CLASP2: variants seen among roughly 807,000 people sequenced by gnomAD.
CLASP2 encodes cytoplasmic linker associated protein 2, also known as CLIP-associating protein 2.
In CLASP2, 47 loss-of-function variants were observed where a neutral mutation model predicts 194.4. The ratio of observed to expected loss-of-function variants is 0.24; its 90% CI spans 0.19 to 0.31. The LOEUF is 0.31. Ranked by LOEUF, CLASP2 falls within the 10% of genes least tolerant of loss-of-function variation. The pLI, the probability that CLASP2 is intolerant of heterozygous loss-of-function variation, is 1.00. For synonymous variants in CLASP2, 619 were observed against 633.5 expected (o/e 0.98, Z 0.34); for missense variants, 1,445 against 1,823.6 (o/e 0.79, Z 3.78).
chr3:33,511,165 T>G (rs568383907), intron 36 of CLASP2, among the ~76,000 whole-genome samples: 1 of 152,072 alleles, frequency 6.6e-6, no homozygotes, highest in African/African-American at 2.4e-5. Flanking sequence ...TCTGAGTAGT[T>G]GGAACTACAG....
intron 16 of CLASP2, among the ~76,000 whole-genome samples, chr3:33,605,243 A>T (rs2073503144): frequency 6.6e-6 from 1 of 152,202 alleles, no homozygotes; most frequent in Admixed American, 6.5e-5. Context: ...TTTTAAAAAG[A>T]TCTTCAGGTG....
chr3:33,530,569 T>C (rs1179882575), intron 34 of CLASP2, among the ~76,000 whole-genome samples: 1 of 152,246 alleles, frequency 6.6e-6, no homozygotes, highest in African/African-American at 2.4e-5. Flanking sequence ...GCTATATTTT[T>C]ATACAGTTGG....
At chr3:33,514,973 G>A (rs1332402407) in intron 36 of CLASP2, among the ~76,000 whole-genome samples, 1 of 152,132 alleles carries the variant, frequency 6.6e-6, no homozygotes, top group Non-Finnish European at 1.5e-5. Context: ...ACTCAGGAAT[G>A]GAAAACCAAA....
intron 7 of CLASP2, among the ~76,000 whole-genome samples, chr3:33,646,473 A>G (rs980701762): frequency 6.6e-6 from 1 of 152,178 alleles, no homozygotes; most frequent in Admixed American, 6.5e-5. Context: ...CGGCTTTGTT[A>G]AAAACACTAA....
intron 8 of CLASP2, among the ~76,000 whole-genome samples, chr3:33,633,339 G>A (rs1421615337): frequency 6.6e-6 from 1 of 152,106 alleles, no homozygotes; most frequent in African/African-American, 2.4e-5. Flanking sequence ...CAACCAATAA[G>A]TGGGGCAGAG....
At chr3:33,510,864 A>T in intron 36 of CLASP2, 100 bp from the exon 37 acceptor site, 1 of 1,089,626 alleles carries the variant, frequency 9.2e-7, no homozygotes, top group Non-Finnish European at 1.3e-6. Context: ...AATATATGGA[A>T]TTTGCTTTGA....
At chr3:33,526,982 G>A (rs2054735076) in intron 34 of CLASP2, among the ~76,000 whole-genome samples, 1 of 152,196 alleles carries the variant, frequency 6.6e-6, no homozygotes, top group African/African-American at 2.4e-5. Flanking sequence ...CTATGGCAGT[G>A]TTAAGAGGTA....
chr3:33,575,997 T>G (rs1295403186), intron 24 of CLASP2, among the ~76,000 whole-genome samples, 172 bp downstream of exon 24: 1 of 152,206 alleles, frequency 6.6e-6, no homozygotes, highest in African/African-American at 2.4e-5. Context: ...AAATTCTGAT[T>G]AATAAGGATC....
intron 23 of CLASP2, among the ~76,000 whole-genome samples, chr3:33,579,061 T>C (rs1327911066): frequency 1.3e-5 from 2 of 152,168 alleles, no homozygotes; most frequent in Admixed American, 1.3e-4. Context: ...ACTTAATCTC[T>C]GGGAATGCTA....
At chr3:33,573,493 G>T in intron 24 of CLASP2, 139 bp from the exon 25 acceptor site, 1 of 886,700 alleles carries the variant, frequency 1.1e-6, no homozygotes, top group Non-Finnish European at 1.8e-6. Context: ...ATAACAGAAT[G>T]TCAGTATTTA....
chr3:33,579,158 C>G (rs1472817355), intron 23 of CLASP2, among the ~76,000 whole-genome samples: 1 of 152,142 alleles, frequency 6.6e-6, no homozygotes, highest in Non-Finnish European at 1.5e-5. Flanking sequence ...ATAAAAAAGC[C>G]AATTCTTCTA....
intron 20 of CLASP2, among the ~76,000 whole-genome samples, chr3:33,593,878 C>T (rs922876445): frequency 6.6e-6 from 1 of 152,096 alleles, no homozygotes; most frequent in African/African-American, 2.4e-5. Context: ...CAATCTTGTT[C>T]TGTTGCCCAG....
Position 33,612,117 on chromosome 3 carries a change from T to A in CLASP2, c.1318-46A>T, listed in dbSNP as rs375029295. The A allele has an allele frequency of 4.2e-5, 51 of 1,206,742 alleles. No homozygotes were observed. The African/African-American group carries it at 7.2e-4, about 17-fold the overall frequency. 74.8% of individuals were successfully genotyped at this position (1,206,742 alleles called of 1,614,324 possible). On this transcript the variant is annotated intron_variant, in intron 12 of 38. Transcript: ENST00000682230. ...AAGGTTGAAAATACTACACACTTCA[T>A]GTGGTCCTTTCTTCTATTTGCCTTA...
chr3:33,595,754 A>G (rs2070141167), intron 19 of CLASP2, among the ~76,000 whole-genome samples: 1 of 152,050 alleles, frequency 6.6e-6, no homozygotes, highest in South Asian at 2.1e-4. Flanking sequence ...TAAAGGATCC[A>G]GAATATCAAT....
intron 30 of CLASP2, chr3:33,545,062 T>TA (rs2058945267): frequency 2.8e-6 from 1 of 362,250 alleles, no homozygotes; most frequent in Non-Finnish European, 4.9e-6. Flanking sequence ...ATGAAAAGCA[T>TA]AACAAATATG....
chr3:33,501,583 C>A, intron 38 of CLASP2, 69 bp downstream of exon 38: 1 of 939,070 alleles, frequency 1.1e-6, no homozygotes, highest in Non-Finnish European at 1.7e-6. Flanking sequence ...CTTACTGTTA[C>A]AGACATGTAA....
chr3:33,546,668 C>G (rs764871735), intron 30 of CLASP2, among the ~76,000 whole-genome samples: 50 of 152,122 alleles, frequency 3.3e-4, no homozygotes, highest in Admixed American at 2.0e-4. Context: ...CTAGTGATTT[C>G]TTACAATAGA....
intron 8 of CLASP2, among the ~76,000 whole-genome samples, chr3:33,633,387 C>T (rs1354271109): frequency 1.3e-5 from 2 of 152,146 alleles, no homozygotes; most frequent in African/African-American, 4.8e-5. Context: ...GAGAGGCTGA[C>T]GCAGTTCTGA....
chr3:33,516,425 T>C (rs927610804), intron 35 of CLASP2, among the ~76,000 whole-genome samples: 3 of 152,228 alleles, frequency 2.0e-5, no homozygotes, highest in African/African-American at 4.8e-5. Flanking sequence ...CCCAGCTCTT[T>C]GGAAGGCTGA....
Sources: allele counts gnomAD v4.1 joint callset (sites outside exome capture counted in the v4.1 genomes callset), GRCh38; gene constraint gnomAD v4.1.1; transcripts MANE v1.5; gene names NCBI Gene and HGNC (gene_info 2026-07-23, HGNC 2026-07-21).